TRRAP: variants seen among roughly 807,000 people sequenced by gnomAD.
TRRAP encodes the protein transformation/transcription domain-associated protein.
In TRRAP, 41 loss-of-function variants were observed where a neutral mutation model predicts 438.8. The observed-to-expected ratio is 0.09, with a 90% CI of 0.07 to 0.12. The LOEUF (loss-of-function observed/expected upper bound fraction) is 0.12, where lower values mean the gene tolerates loss of function less well. TRRAP is among the 10% of genes least tolerant of loss of function. TRRAP has a pLI of 1.00. For missense variants in TRRAP, 3,122 were observed against 5,055.1 expected (o/e 0.62, Z 11.60); for synonymous variants, 1,994 against 1,962.9 (o/e 1.02, Z -0.42).
chr7:98,951,494 G>A (rs1791336711), intron 39 of TRRAP, among the ~76,000 whole-genome samples: 1 of 152,156 alleles, frequency 6.6e-6, no homozygotes, highest in South Asian at 2.1e-4. Flanking sequence ...TAATATCTCT[G>A]TGCTTTACAG....
chr7:98,886,385 GAGAT>G lies in TRRAP; in HGVS notation c.151-3946_151-3943del, dbSNP rs572271675. On this transcript the variant is annotated intron_variant, in intron 3 of 72. Coordinates refer to ENST00000456197, the MANE Select transcript of TRRAP (RefSeq NM_001375524.1). ...ATAGAGATAGATATAGATATCTAGA[GAGAT>G]AGAGATAGATATAGATATCTAGAGA... Among the ~76,000 whole-genome samples the G allele has an allele frequency of 1.3e-4, 19 of 151,824 alleles. No homozygotes were observed. In the East Asian group the frequency reaches 2.1e-3, roughly 17 times the overall value.
intron 11 of TRRAP, among the ~76,000 whole-genome samples, chr7:98,902,927 G>C (rs868950122): frequency 6.6e-5 from 6 of 91,370 alleles, no homozygotes. Context: ...AAAAAAAAAA[G>C]AAAATTAGGC....
At position 99,012,352 on chromosome 7, in the gene TRRAP, G is replaced by A. The variant is rs777814666; in HGVS notation, c.11619G>A (p.Leu3873=). ...TGGACCCCGCCTGGCACCCCTGGCT[G>A]TGACTGTGGCCGCCACGGCCACCCG... is the stretch of plus-strand genomic sequence containing the variant. ...CRMDPAWHPW[L] Residue 3873 remains leucine (L), a synonymous_variant, in exon 73 of 73, where the codon CTG becomes CTA. Coordinates refer to ENST00000456197, the MANE Select transcript of TRRAP (RefSeq NM_001375524.1). The surrounding 1 kb of genome is among the most constrained non-coding windows in gnomAD (Gnocchi z 5.9). 3 of 1,594,488 alleles carry A rather than the reference G, an allele frequency of 1.9e-6. No homozygotes were observed. In the Admixed American group the frequency reaches 5.1e-5, roughly 27 times the overall value.
At chr7:98,951,625 T>C (rs1791342449) in intron 39 of TRRAP, among the ~76,000 whole-genome samples, 1 of 152,228 alleles carries the variant, frequency 6.6e-6, no homozygotes, top group African/African-American at 2.4e-5. Flanking sequence ...ACTGAGTGTT[T>C]GTTGGAATGC....
chr7:98,900,856 C>A (rs1584285330), intron 11 of TRRAP, 136 bp downstream of exon 11: 1 of 673,658 alleles, frequency 1.5e-6, no homozygotes, highest in Non-Finnish European at 2.4e-6. Context: ...CGGTACATTT[C>A]CATCAACCTC....
At chr7:98,906,279 C>G in intron 13 of TRRAP, 24 bp downstream of exon 13, 2 of 1,604,944 alleles carry the variant, frequency 1.2e-6, no homozygotes, top group Non-Finnish European at 8.5e-7. Context: ...CCAGTGATAT[C>G]TGGTTGGTTA....
chr7:98,945,426 A>G (rs1791004654), intron 31 of TRRAP, among the ~76,000 whole-genome samples: 1 of 152,192 alleles, frequency 6.6e-6, no homozygotes, highest in South Asian at 2.1e-4. Context: ...TCTACAAAAG[A>G]CTTTTTAAAA....
chr7:98,914,112 C>T (rs1482305161), intron 18 of TRRAP, among the ~76,000 whole-genome samples: 2 of 152,118 alleles, frequency 1.3e-5, no homozygotes, highest in African/African-American at 4.8e-5. Context: ...ACTAGTCAGG[C>T]GTGGTAGCTT....
chr7:98,972,777 T>A (rs964753637), intron 53 of TRRAP, among the ~76,000 whole-genome samples: 5 of 152,224 alleles, frequency 3.3e-5, no homozygotes, highest in Non-Finnish European at 5.9e-5. Flanking sequence ...AAACTACTTT[T>A]CGCAAGTGAT....
At chr7:98,935,114 C>T (rs2116534372) in intron 27 of TRRAP, among the ~76,000 whole-genome samples, 1 of 152,054 alleles carries the variant, frequency 6.6e-6, no homozygotes. Flanking sequence ...TGTTCAGCTT[C>T]CTACTTTATG....
At chr7:98,933,047 G>A (rs968281219) in intron 26 of TRRAP, among the ~76,000 whole-genome samples, 194 bp from the exon 27 acceptor site, 1 of 150,882 alleles carries the variant, frequency 6.6e-6, no homozygotes, top group Non-Finnish European at 1.5e-5. Flanking sequence ...GAGAGGTTAC[G>A]CTGTACCTTT....
chr7:98,922,977 T>C (rs1789869738), intron 21 of TRRAP, among the ~76,000 whole-genome samples: 3 of 152,226 alleles, frequency 2.0e-5, no homozygotes, highest in Admixed American at 6.5e-5. Flanking sequence ...TGGAGTTGTT[T>C]TCTGTCATCA....
intron 51 of TRRAP, 67 bp downstream of exon 51, chr7:98,967,765 G>A (rs1354249917): frequency 4.9e-6 from 7 of 1,424,888 alleles, no homozygotes; most frequent in African/African-American, 1.4e-5. Context: ...GGGCTCCAAA[G>A]CCAGGAGGTG....
chr7:98,950,399 G>GGGAT, intron 38 of TRRAP, 137 bp downstream of exon 38: 1 of 1,023,458 alleles, frequency 9.8e-7, no homozygotes, highest in Non-Finnish European at 1.4e-6. Context: ...GCATGTGCCT[G>GGGAT]TAATCCCAGG....
Position 98,976,945 on chromosome 7 carries a change from C to T in TRRAP, c.8254C>T (p.Leu2752=), listed in dbSNP as rs1792688919. 6.2e-7 allele frequency: 1 copy of T among 1,613,992 alleles called. No homozygotes were observed. Among genetic ancestry groups the T allele is most frequent in the South Asian group, 1.1e-5 (1 of 91,086 alleles). ...CCTTACTTTGTGTTTTCAGGAGATA[C>T]TGGATTCCCTTGCGGAGCTTTACTC... is the stretch of plus-strand genomic sequence containing the variant. ...ESITPPQQEI[L]DSLAELYSLL... is the part of the protein sequence containing the mutation. Residue 2752 remains leucine (L), a synonymous_variant, in exon 56 of 73, where the codon CTG becomes TTG. Coordinates refer to ENST00000456197, the MANE Select transcript of TRRAP (RefSeq NM_001375524.1). The surrounding 1 kb of genome is among the most constrained non-coding windows in gnomAD (Gnocchi z 4.6).
intron 30 of TRRAP, among the ~76,000 whole-genome samples, chr7:98,940,756 C>A (rs182888126): frequency 6.6e-6 from 1 of 152,152 alleles, no homozygotes; most frequent in Non-Finnish European, 1.5e-5. Flanking sequence ...GGTGCCTTTG[C>A]GCTTAGTGGC....
Position 98,976,885 on chromosome 7 carries a change from G to A in TRRAP, c.8248-54G>A. ...ACAGCACAGTGAAACTATTTTTAGG[G>A]GGGAAAAAAAGTCTCTGTCTCAAGC... On this transcript the variant is annotated intron_variant, in intron 55 of 72. Coordinates refer to ENST00000456197, the MANE Select transcript of TRRAP (RefSeq NM_001375524.1). This position sits in a 1 kb window ranked among gnomAD's most constrained non-coding sequence, Gnocchi z 4.6. 6.2e-7 allele frequency: 1 copy of A among 1,605,654 alleles called. No individual in the cohort carries two copies. The highest frequency in any genetic ancestry group is 1.7e-5 in the Admixed American group (1 of 58,920).
At position 98,953,257 on chromosome 7, in the gene TRRAP, C is replaced by T; in HGVS notation, c.5554C>T (p.His1852Tyr). 1 of 1,613,816 alleles carries T rather than the reference C, an allele frequency of 6.2e-7. No individual in the cohort carries two copies. The highest frequency in any genetic ancestry group is 8.5e-7 in the Non-Finnish European group (1 of 1,180,006). ...YATLLVEHAP[H>Y]HIHDNNKNRN... is the part of the protein sequence containing the mutation. ...CACGCTGCTGGTGGAGCACGCCCCC[C>T]ACCACATCCATGACAACAACAAGAA... The change falls in exon 40 of 73, where the codon CAC (histidine) becomes TAC (tyrosine). Residue 1852 changes from histidine to tyrosine, a missense_variant. His to Tyr is a moderately conservative substitution (Grantham distance 83). Coordinates refer to ENST00000456197, the MANE Select transcript of TRRAP (RefSeq NM_001375524.1).
chr7:98,918,227 CTTTTT>C (rs71118647), intron 20 of TRRAP, among the ~76,000 whole-genome samples: 1 of 83,206 alleles, frequency 1.2e-5, no homozygotes, highest in Non-Finnish European at 2.5e-5. Context: ...GGGTTATATT[CTTTTT>C]TTTTTTTTTT....
Sources: allele counts gnomAD v4.1 joint callset (sites outside exome capture counted in the v4.1 genomes callset), GRCh38; gene constraint gnomAD v4.1.1; non-coding constraint Gnocchi (gnomAD v3.1); transcripts MANE v1.5; gene names NCBI Gene and HGNC (gene_info 2026-07-23, HGNC 2026-07-21).